SLC37A3: variants seen among roughly 807,000 people sequenced by gnomAD.
SLC37A3 encodes the protein solute carrier family 37 member 3, also known as sugar phosphate exchanger 3.
SLC37A3 carries 51 observed loss-of-function variants against 67.1 expected under a neutral mutation model. That is an observed-to-expected ratio of 0.76 (90% CI 0.61 to 0.96). The LOEUF is 0.96. SLC37A3 is among the 40% of genes least tolerant of loss of function. The pLI, the probability that SLC37A3 is intolerant of heterozygous loss-of-function variation, is 0.00. For missense variants in SLC37A3, 508 were observed against 603.0 expected, an observed-to-expected ratio of 0.84 and a Z score of 1.65; for synonymous variants, 214 against 231.4, an observed-to-expected ratio of 0.92 and a Z score of 0.68.
chr7:140,349,215 T>C (rs984592850), intron 9 of SLC37A3, among the ~76,000 whole-genome samples: 22 of 152,272 alleles, frequency 1.4e-4, no homozygotes, highest in African/African-American at 5.3e-4. Flanking sequence ...CAAACGGGGT[T>C]GGTTATTCTA....
chr7:140,363,740 CAAAAA>C (rs71170980), intron 5 of SLC37A3, among the ~76,000 whole-genome samples: 1 of 107,858 alleles, frequency 9.3e-6, no homozygotes, highest in African/African-American at 3.6e-5. Context: ...AACTCCGCCT[CAAAAA>C]AAAAAAAAAA....
rs140584512 is a variant in SLC37A3 at position 140,365,066 on chromosome 7, T to C, written c.292-575A>G. 5.3e-4 allele frequency among the ~76,000 whole-genome samples: 81 copies of C among 152,262 alleles called. 2 individuals carry two copies. The East Asian group carries it at 0.014, about 27-fold the overall frequency. ...TGTTGAATCTGACCCTTGGGTTTCA[T>C]GACATCCCAAGGCAGGGAGAGTAGG... On this transcript the variant is annotated intron_variant, in intron 4 of 14. Transcript: ENST00000326232.
chr7:140,353,912 A>G (rs959910603), intron 7 of SLC37A3, among the ~76,000 whole-genome samples: 1 of 152,044 alleles, frequency 6.6e-6, no homozygotes, highest in African/African-American at 2.4e-5. Flanking sequence ...GGGTTTCATC[A>G]TGTTGGCCAG....
chr7:140,358,529 A>C, intron 6 of SLC37A3, 111 bp downstream of exon 6: 5 of 1,424,780 alleles, frequency 3.5e-6, no homozygotes, highest in Non-Finnish European at 4.8e-6. Context: ...CTTGCTAACG[A>C]AAGATGTGGG....
At chr7:140,392,591 C>T (rs186239105) in intron 1 of SLC37A3, among the ~76,000 whole-genome samples, 4 of 152,186 alleles carry the variant, frequency 2.6e-5, no homozygotes, top group African/African-American at 9.6e-5. Context: ...AAGACTGAGA[C>T]AAAAAGACAG....
At chr7:140,359,280 T>C (rs894075721) in intron 5 of SLC37A3, among the ~76,000 whole-genome samples, 1 of 151,526 alleles carries the variant, frequency 6.6e-6, no homozygotes, top group Non-Finnish European at 1.5e-5. Context: ...GAGGTGGAGC[T>C]TGCAGTGAGC....
At chr7:140,357,237 A>G (rs911678964) in intron 6 of SLC37A3, among the ~76,000 whole-genome samples, 1 of 152,002 alleles carries the variant, frequency 6.6e-6, no homozygotes, top group African/African-American at 2.4e-5. Flanking sequence ...AAAAAAGGGA[A>G]ATACAAACCT....
In SLC37A3 at chr7:140,343,535, C is replaced by A; in HGVS notation, c.1203G>T (p.Met401Ile). 1.9e-6 allele frequency: 3 copies of A among 1,614,134 alleles called. No homozygotes were observed. The highest frequency in any genetic ancestry group is 2.2e-5 in the South Asian group (2 of 91,052). The change falls in exon 13 of 15, where the codon ATG (methionine) becomes ATT (isoleucine). Residue 401 changes from methionine to isoleucine, a missense_variant. Met to Ile is a conservative substitution (Grantham distance 10). Coordinates refer to ENST00000326232, the MANE Select transcript of SLC37A3 (RefSeq NM_207113.3). ...TGFFIGGPSN[M>I]ISSAISADLG... ...AGTCCGCAGAAATAGCAGAACTAAT[C>A]ATATTAGAAGGTCCACCAATAAAAA...
chr7:140,362,448 A>G (rs1478538513), intron 5 of SLC37A3, among the ~76,000 whole-genome samples: 3 of 114,478 alleles, frequency 2.6e-5, no homozygotes, highest in East Asian at 2.8e-4. Context: ...CCGCCCGGCC[A>G]GCCGCCCCGT....
chr7:140,363,457 G>C (rs1019797640), intron 5 of SLC37A3, among the ~76,000 whole-genome samples: 1 of 98,452 alleles, frequency 1.0e-5, no homozygotes, highest in Non-Finnish European at 2.1e-5. Flanking sequence ...ATTAAGGGCG[G>C]TGCAAGATGT....
chr7:140,348,310 T>C (rs1796649969), intron 10 of SLC37A3: 1 of 197,106 alleles, frequency 5.1e-6, no homozygotes, highest in Non-Finnish European at 1.0e-5. Flanking sequence ...TATGAAAGGA[T>C]TGCATTTAAA....
chr7:140,335,493 T>A lies in SLC37A3; in HGVS notation c.1404A>T (p.Thr468=), dbSNP rs1796098407. 2 of 1,613,770 alleles carry A rather than the reference T, an allele frequency of 1.2e-6. No homozygotes were observed. Among genetic ancestry groups the A allele is most frequent in the East Asian group, 4.5e-5 (2 of 44,896 alleles). Reference sequence around the variant, plus strand: ...CTATTAATGGCGAGATAAACACAATTGTACAACTTGTCTGTAAAGAGAAAA... The same window carrying A: ...CTATTAATGGCGAGATAAACACAATAGTACAACTTGTCTGTAAAGAGAAAA... ...FYFFILMTSC[T]IVFISPLIVR... is the part of the protein sequence containing the mutation. The change falls in exon 15 of 15, where the codon ACA becomes ACT. Residue 468 remains threonine (T), a synonymous_variant. Transcript: ENST00000326232.
chr7:140,343,267 CTGAGGG>C, intron 13 of SLC37A3, 139 bp downstream of exon 13: 1 of 1,086,066 alleles, frequency 9.2e-7, no homozygotes, highest in Non-Finnish European at 1.4e-6. Context: ...TCAGCTGGTC[CTGAGGG>C]GAGACGGAAG....
rs2117119470 is a variant in SLC37A3, at chr7:140,358,531, A to C, written c.521+109T>G. The C allele has an allele frequency of 1.0e-5, 15 of 1,429,530 alleles. No individual in the cohort carries two copies. The South Asian group carries it at 1.8e-4, about 17-fold the overall frequency. The allele number at this position is 1,429,530 out of a possible 1,614,324, so 88.6% of individuals were successfully genotyped here. On this transcript the variant is annotated intron_variant, in intron 6 of 14. Transcript: ENST00000326232. ...TGAACAACTCTGACTTGCTAACGAAAGATGTGGGTGGTATCTAAGGCAGCA... is the reference window on the plus strand; with the variant it reads ...TGAACAACTCTGACTTGCTAACGAACGATGTGGGTGGTATCTAAGGCAGCA...
chr7:140,376,813 A>G (rs1364877090), intron 3 of SLC37A3, among the ~76,000 whole-genome samples: 1 of 152,078 alleles, frequency 6.6e-6, no homozygotes, highest in East Asian at 1.9e-4. Context: ...TTGCTCTGTC[A>G]CCCAGGCTGG....
chr7:140,381,399 G>C (rs7786963), intron 2 of SLC37A3, among the ~76,000 whole-genome samples: 83,638 of 151,244 alleles, frequency 0.55, 23,241 homozygotes, highest in South Asian at 0.65. Flanking sequence ...GTGGCTCATG[G>C]TTGTGGTCCC....
At chr7:140,380,260 C>G (rs772246354) in intron 3 of SLC37A3, 22 bp downstream of exon 3, 5 of 1,513,366 alleles carry the variant, frequency 3.3e-6, no homozygotes, top group South Asian at 1.1e-5. Context: ...TTCGATCCAT[C>G]CCAGCACTCT....
At chr7:140,379,521 A>C (rs1002087609) in intron 3 of SLC37A3, 12 of 151,956 alleles carry the variant, frequency 7.9e-5, no homozygotes, top group Non-Finnish European at 1.5e-4. Context: ...TGAAATACCA[A>C]GACATTACAA....
chr7:140,375,666 T>G (rs1385305787), intron 3 of SLC37A3, among the ~76,000 whole-genome samples: 1 of 152,190 alleles, frequency 6.6e-6, no homozygotes, highest in Non-Finnish European at 1.5e-5. Flanking sequence ...TACGAAAGAA[T>G]CAAAGAAATG....
Sources: gnomAD v4.1 joint callset for allele counts (sites outside exome capture counted in the v4.1 genomes callset) on GRCh38, gnomAD v4.1.1 for gene constraint, MANE v1.5 for transcripts, NCBI Gene and HGNC (gene_info 2026-07-23, HGNC 2026-07-21) for gene names.